FRMPD4: variants seen among roughly 807,000 people sequenced by gnomAD.
The protein encoded by FRMPD4 is FERM and PDZ domain containing 4.
FRMPD4 carries 22 observed loss-of-function variants against 94.1 expected under a neutral mutation model. The observed-to-expected ratio is 0.23, with a 90% CI of 0.17 to 0.33. The LOEUF is 0.33. FRMPD4 is among the 10% of genes least tolerant of loss of function. FRMPD4 has a pLI of 1.00. For synonymous variants in FRMPD4, 631 were observed against 548.6 expected (o/e 1.15, Z -2.10); for missense variants, 1,111 against 1,339.9 (o/e 0.83, Z 2.67).
intron 2 of FRMPD4, among the ~76,000 whole-genome samples, chrX:12,608,725 C>A (rs2059153376): frequency 1.8e-5 from 2 of 112,695 alleles, no homozygotes; most frequent in Non-Finnish European, 3.7e-5. Flanking sequence ...CTTATTAATT[C>A]AAGTACTAAT....
At chrX:12,297,973 A>C (rs1310375131) in intron 1 of FRMPD4, among the ~76,000 whole-genome samples, 2 of 111,311 alleles carry the variant, frequency 1.8e-5, no homozygotes, top group African/African-American at 6.5e-5. Context: ...GCTTAATGAA[A>C]GGAAAATGAT....
intron 1 of FRMPD4, among the ~76,000 whole-genome samples, chrX:12,393,769 C>G (rs957395979): frequency 4.5e-5 from 5 of 111,844 alleles, no homozygotes; most frequent in African/African-American, 1.6e-4. Flanking sequence ...TCAAGTAATC[C>G]ATTTGTCAAG....
intron 3 of FRMPD4, among the ~76,000 whole-genome samples, chrX:12,109,072 C>G (rs1284902147): frequency 2.7e-5 from 3 of 111,492 alleles, no homozygotes; most frequent in African/African-American, 9.8e-5. Flanking sequence ...ACCAAGCGGA[C>G]CTAATAGACA....
At chrX:11,847,779 A>G (rs1318960345) in intron 1 of FRMPD4, among the ~76,000 whole-genome samples, 2 of 105,373 alleles carry the variant, frequency 1.9e-5, no homozygotes, top group African/African-American at 7.0e-5. Context: ...AACTATCGCA[A>G]GAACAAAAAA....
chrX:12,249,361 T>C (rs1326383763), intron 1 of FRMPD4, among the ~76,000 whole-genome samples: 2 of 111,144 alleles, frequency 1.8e-5, no homozygotes, highest in Admixed American at 1.9e-4. Flanking sequence ...AGAGAAAAGG[T>C]GGTGTTAATG....
intron 1 of FRMPD4, among the ~76,000 whole-genome samples, chrX:12,215,191 C>T (rs2056794483): frequency 9.0e-6 from 1 of 111,296 alleles, no homozygotes; most frequent in Non-Finnish European, 1.9e-5. Context: ...CTTTATGATC[C>T]AAGGTTTTTT....
chrX:11,976,266 C>T (rs772311738), intron 3 of FRMPD4, among the ~76,000 whole-genome samples: 49 of 112,107 alleles, frequency 4.4e-4, no homozygotes, highest in African/African-American at 1.6e-3. Flanking sequence ...GCTTATCACA[C>T]ACACAAAAAT....
intron 7 of FRMPD4, among the ~76,000 whole-genome samples, chrX:12,686,917 C>T (rs965992087): frequency 3.6e-5 from 4 of 111,955 alleles, no homozygotes; most frequent in Non-Finnish European, 7.5e-5. Context: ...TGATTGCTCC[C>T]TAATGCTTCA....
At chrX:12,488,565 G>A (rs2057760926) in intron 1 of FRMPD4, among the ~76,000 whole-genome samples, 1 of 111,768 alleles carries the variant, frequency 8.9e-6, no homozygotes, top group Non-Finnish European at 1.9e-5. Flanking sequence ...CCATAAATAT[G>A]CAGGTATGTG....
intron 3 of FRMPD4, among the ~76,000 whole-genome samples, chrX:11,909,230 A>G (rs2053983943): frequency 8.9e-6 from 1 of 111,946 alleles, no homozygotes; most frequent in African/African-American, 3.2e-5. Flanking sequence ...AATTTCTTTA[A>G]TAGATGTAGG....
rs142974513 is a variant in FRMPD4 at position 12,102,640 on chromosome X, G to T, written c.95+224622G>T. On this transcript the variant is annotated intron_variant, in intron 3 of 18. Transcript: ENST00000640291. ...CATACTGTGTGCTCCATGTAAGTAG[G>T]AAATACCATTTGCACATGTGTTTTA... Among the ~76,000 whole-genome samples the T allele has an allele frequency of 6.1e-3, 685 of 111,387 alleles. 12 individuals are homozygous for T. The highest frequency in any genetic ancestry group is 0.056 in the Admixed American group (580 of 10,428).
At position 11,848,937 on chromosome X, in the gene FRMPD4, G is replaced by T. The variant is rs767497624; in HGVS notation, c.-160-16149G>T. On this transcript the variant is annotated intron_variant, in intron 1 of 18. Transcript: ENST00000640291. ...GCTTTCACTACTTCTACTTAATATA[G>T]TACTGGGAGTCCTAGTCCGAGCAAT... Among the ~76,000 whole-genome samples, 4 of 111,672 alleles carry T rather than the reference G, an allele frequency of 3.6e-5. No homozygotes were observed. In the East Asian group the frequency reaches 1.1e-3, roughly 31 times the overall value.
intron 3 of FRMPD4, among the ~76,000 whole-genome samples, chrX:11,895,054 G>A (rs1181302207): frequency 8.9e-6 from 1 of 112,014 alleles, no homozygotes; most frequent in African/African-American, 3.2e-5. Context: ...TGTGCTCCAA[G>A]GACCAGAAAA....
At chrX:12,561,074 A>T (rs1027080179) in intron 2 of FRMPD4, among the ~76,000 whole-genome samples, 1 of 109,892 alleles carries the variant, frequency 9.1e-6, no homozygotes, top group African/African-American at 3.3e-5. Flanking sequence ...CGGCCCCCTC[A>T]TCTTTTTTGA....
At chrX:12,497,276 TAATAG>T (rs1602026908) in intron 1 of FRMPD4, among the ~76,000 whole-genome samples, 2 of 111,464 alleles carry the variant, frequency 1.8e-5, no homozygotes, top group African/African-American at 6.5e-5. Flanking sequence ...GAAACATTTT[TAATAG>T]AATAGACTGT....
intron 3 of FRMPD4, among the ~76,000 whole-genome samples, chrX:12,049,278 C>T (rs2054803140): frequency 9.0e-6 from 1 of 111,253 alleles, no homozygotes; most frequent in South Asian, 3.7e-4. Flanking sequence ...CTTGATTTGG[C>T]TCTCAGTGTG....
intron 1 of FRMPD4, among the ~76,000 whole-genome samples, chrX:12,183,939 C>T (rs2056393232): frequency 1.8e-5 from 2 of 109,889 alleles, no homozygotes; most frequent in African/African-American, 6.6e-5. Context: ...TCTGAAATGG[C>T]AGGTCTCCTG....
intron 1 of FRMPD4, among the ~76,000 whole-genome samples, chrX:12,452,326 G>A (rs1030393492): frequency 6.3e-5 from 7 of 111,911 alleles, no homozygotes; most frequent in African/African-American, 2.3e-4. Context: ...CATCTACTTT[G>A]TCATACATTA....
intron 2 of FRMPD4, among the ~76,000 whole-genome samples, chrX:12,551,414 T>C (rs1295211004): frequency 9.0e-6 from 1 of 110,710 alleles, no homozygotes; most frequent in Non-Finnish European, 1.9e-5. Flanking sequence ...GACAGCAATT[T>C]CTTAATACTA....
Sources: gnomAD v4.1 joint callset for allele counts (sites outside exome capture counted in the v4.1 genomes callset) on GRCh38, gnomAD v4.1.1 for gene constraint, MANE v1.5 for transcripts, NCBI Gene and HGNC (gene_info 2026-07-23, HGNC 2026-07-21) for gene names.